The following NUP42 variants were observed in gnomAD, a reference collection of about 807,000 sequenced individuals.
NUP42 encodes the protein nucleoporin 42.
NUP42 carries 47 observed loss-of-function variants against 35.9 expected under a neutral mutation model. That is an observed-to-expected ratio of 1.31 (90% CI 1.04 to 1.67). The LOEUF (loss-of-function observed/expected upper bound fraction) is 1.67. Among genes scored for constraint, NUP42 ranks in the 40% most tolerant of loss-of-function variants. The pLI is 0.00. For missense variants in NUP42, 514 were observed against 492.2 expected (o/e 1.04, Z -0.42); for synonymous variants, 173 against 173.3 (o/e 1.00, Z 0.01).
chr7:23,200,820 C>T lies in NUP42; in HGVS notation c.*75C>T. 1 of 834,062 alleles carries T rather than the reference C, an allele frequency of 1.2e-6. No individual in the cohort carries two copies. Among genetic ancestry groups the T allele is most frequent in the Non-Finnish European group, 1.8e-6 (1 of 551,938 alleles). The allele number at this position is 834,062 out of a possible 1,614,324, so 51.7% of individuals were successfully genotyped here. ...TGATTCATACAGAGATGTATATATG[C>T]ATACATGTATATATTCATAAGGAAT... On this transcript the variant is annotated 3_prime_UTR_variant, in exon 7 of 7. Coordinates refer to ENST00000258742, the MANE Select transcript of NUP42 (RefSeq NM_007342.3).
chr7:23,192,049 G>A (rs1483910546), intron 3 of NUP42, among the ~76,000 whole-genome samples: 1 of 152,108 alleles, frequency 6.6e-6, no homozygotes, highest in African/African-American at 2.4e-5. Flanking sequence ...ATATCACAGA[G>A]GTAACTACTA....
chr7:23,200,832 T>C lies in NUP42; in HGVS notation c.*87T>C. 5.7e-6 allele frequency: 4 copies of C among 701,262 alleles called. No individual in the cohort carries two copies. Among genetic ancestry groups the C allele is most frequent in the East Asian group, 2.8e-5 (1 of 35,112 alleles). The allele number at this position is 701,262 out of a possible 1,614,324, so 43.4% of individuals were successfully genotyped here. On this transcript the variant is annotated 3_prime_UTR_variant, in exon 7 of 7. Coordinates refer to ENST00000258742, the MANE Select transcript of NUP42 (RefSeq NM_007342.3). ...AGATGTATATATGCATACATGTATA[T>C]ATTCATAAGGAATATAAGCTTCCAT...
In NUP42 at chr7:23,200,898, T is replaced by TA. The variant is rs1786204961; in HGVS notation, c.*154dup. On this transcript the variant is annotated 3_prime_UTR_variant, in exon 7 of 7. Coordinates refer to ENST00000258742, the MANE Select transcript of NUP42 (RefSeq NM_007342.3). ...ATTTGATTTTTTTCTTAACTCTAAATATTTAAGTAAAAAGTAACAAAAACT... is the reference window on the plus strand; with the variant it reads ...ATTTGATTTTTTTCTTAACTCTAAATAATTTAAGTAAAAAGTAACAAAAACT... The TA allele has an allele frequency of 4.5e-6, 2 of 439,940 alleles. No homozygotes were observed. The highest frequency in any genetic ancestry group is 3.7e-6 in the Non-Finnish European group (1 of 267,958). The allele number at this position is 439,940 out of a possible 1,614,324, so 27.3% of individuals were successfully genotyped here. A position where few individuals can be genotyped will look rare whatever the true frequency, so the allele number is the denominator to read the frequency against.
At chr7:23,199,172 G>C (rs1786118422) in intron 5 of NUP42, among the ~76,000 whole-genome samples, 1 of 151,690 alleles carries the variant, frequency 6.6e-6, no homozygotes, top group Non-Finnish European at 1.5e-5. Context: ...GGCTTTCCCA[G>C]GCTCAAGTGA....
intron 3 of NUP42, chr7:23,188,126 T>TGG: frequency 7.5e-7 from 1 of 1,341,458 alleles, no homozygotes; most frequent in Non-Finnish European, 9.6e-7. Flanking sequence ...GAGGAAACAG[T>TGG]GGGTACCTTG....
At chr7:23,185,402 A>C (rs1785557708) in intron 2 of NUP42, 104 bp downstream of exon 2, 1 of 787,180 alleles carries the variant, frequency 1.3e-6, no homozygotes, top group African/African-American at 1.8e-5. Context: ...ACAATACAAT[A>C]TTTTCTTTAA....
At position 23,200,951 on chromosome 7, in the gene NUP42, G is replaced by A. The variant is rs918066809; in HGVS notation, c.*206G>A. Reference sequence around the variant, plus strand: ...GCAAGCAAGGGAATTTTTTTGTACTGTAATTTTGAATGGAACTGAAAAATT... The same window carrying A: ...GCAAGCAAGGGAATTTTTTTGTACTATAATTTTGAATGGAACTGAAAAATT... On this transcript the variant is annotated 3_prime_UTR_variant, in exon 7 of 7. Coordinates refer to ENST00000258742, the MANE Select transcript of NUP42 (RefSeq NM_007342.3). 8 of 320,482 alleles carry A rather than the reference G, an allele frequency of 2.5e-5. No individual in the cohort carries two copies. The highest frequency in any genetic ancestry group is 1.5e-4 in the African/African-American group (7 of 46,804). 19.9% of individuals were successfully genotyped at this position (320,482 alleles called of 1,614,324 possible).
At chr7:23,187,203 C>T (rs1785623942) in intron 3 of NUP42, 57 bp downstream of exon 3, 1 of 1,176,104 alleles carries the variant, frequency 8.5e-7, no homozygotes, top group African/African-American at 1.5e-5. Context: ...TTTTCTAAAA[C>T]CAAAAGAATG....
chr7:23,195,937 C>G (rs542864805), intron 4 of NUP42, 22 bp downstream of exon 4: 2 of 1,443,228 alleles, frequency 1.4e-6, no homozygotes, highest in African/African-American at 1.4e-5. Context: ...TCCTATTAAT[C>G]TACTGCAATA....
In NUP42 at chr7:23,182,378, A is replaced by G. The variant is rs544565400; in HGVS notation, c.121+172A>G. On this transcript the variant is annotated intron_variant, in intron 1 of 6. Coordinates refer to ENST00000258742, the MANE Select transcript of NUP42 (RefSeq NM_007342.3). ...TTTAAACCGAGGGTTTTATCTACAT[A>G]TTATTCATGTGGTCCGTTTTTATTG... is the stretch of plus-strand genomic sequence containing the variant. The G allele has an allele frequency of 2.8e-6, 4 of 1,417,070 alleles. No individual in the cohort carries two copies. The East Asian group carries it at 7.6e-5, about 27-fold the overall frequency. 87.8% of individuals were successfully genotyped at this position (1,417,070 alleles called of 1,614,324 possible). A position where few individuals can be genotyped will look rare whatever the true frequency, so the allele number is the denominator to read the frequency against.
intron 3 of NUP42, 41 bp downstream of exon 3, chr7:23,187,187 C>G: frequency 6.0e-6 from 8 of 1,336,246 alleles, no homozygotes; most frequent in Non-Finnish European, 8.4e-6. Context: ...TGTTCTAAAA[C>G]TATTATTTTC....
chr7:23,188,268 A>G, intron 3 of NUP42: 1 of 1,230,780 alleles, frequency 8.1e-7, no homozygotes, highest in African/African-American at 1.6e-5. Flanking sequence ...TTTAACAAAT[A>G]TTTACTGAAT....
chr7:23,188,479 T>G, intron 3 of NUP42: 1 of 985,428 alleles, frequency 1.0e-6, no homozygotes, highest in Non-Finnish European at 1.2e-6. Flanking sequence ...TGAGTATTAA[T>G]CCATTCCAAA....
chr7:23,195,971 T>G, intron 4 of NUP42, 56 bp downstream of exon 4: 1 of 1,109,658 alleles, frequency 9.0e-7, no homozygotes, highest in Non-Finnish European at 1.3e-6. Context: ...TAATTACTGC[T>G]TTCTTTATCG....
chr7:23,182,353 T>G, intron 1 of NUP42, 147 bp downstream of exon 1: 1 of 1,439,544 alleles, frequency 6.9e-7, no homozygotes, highest in Non-Finnish European at 9.1e-7. Flanking sequence ...GCACAACGTT[T>G]TTAAACCGAG....
intron 3 of NUP42, among the ~76,000 whole-genome samples, chr7:23,188,799 T>C (rs1428768107): frequency 6.6e-6 from 1 of 152,238 alleles, no homozygotes; most frequent in Non-Finnish European, 1.5e-5. Flanking sequence ...AAGTGATTAA[T>C]TGCCATTTTT....
intron 3 of NUP42, among the ~76,000 whole-genome samples, chr7:23,191,650 A>T (rs1287325840): frequency 1.3e-5 from 2 of 152,232 alleles, no homozygotes; most frequent in East Asian, 3.8e-4. Context: ...AATATCTTGA[A>T]CATTTTTTGC....
intron 1 of NUP42, among the ~76,000 whole-genome samples, chr7:23,183,517 G>C (rs2128472057): frequency 6.6e-6 from 1 of 152,112 alleles, no homozygotes; most frequent in Middle Eastern, 3.4e-3. Context: ...GACCGCGGCG[G>C]GCCTCATCTA....
At chr7:23,191,614 T>C (rs1008750272) in intron 3 of NUP42, among the ~76,000 whole-genome samples, 5 of 152,240 alleles carry the variant, frequency 3.3e-5, no homozygotes, top group African/African-American at 1.2e-4. Context: ...TAATAATAAC[T>C]GGATTACAAG....
Sources: allele counts gnomAD v4.1 joint callset (sites outside exome capture counted in the v4.1 genomes callset), GRCh38; gene constraint gnomAD v4.1.1; transcripts MANE v1.5; gene names NCBI Gene and HGNC (gene_info 2026-07-23, HGNC 2026-07-21).